ZMAT2: variants seen among roughly 807,000 people sequenced by gnomAD.
ZMAT2 encodes zinc finger matrin-type protein 2.
In ZMAT2, 5 loss-of-function variants were observed where a neutral mutation model predicts 27.5. The ratio of observed to expected loss-of-function variants is 0.18; its 90% CI spans 0.10 to 0.38. The LOEUF (loss-of-function observed/expected upper bound fraction) is 0.38. Among genes scored for constraint, ZMAT2 ranks in the 10% least tolerant of loss-of-function variants. ZMAT2 has a pLI of 1.00. For synonymous variants in ZMAT2, 76 were observed against 78.6 expected (o/e 0.97, Z 0.17); for missense variants, 124 against 243.9 (o/e 0.51, Z 3.27).
chr5:140,703,453 C>T (rs1011645433), intron 3 of ZMAT2, among the ~76,000 whole-genome samples: 4 of 151,932 alleles, frequency 2.6e-5, no homozygotes, highest in Admixed American at 2.0e-4. Flanking sequence ...AGGCTAGTCT[C>T]GAACTCCCGA....
chr5:140,704,586 T>C lies in ZMAT2; in HGVS notation c.456+15T>C, dbSNP rs1162288040. On this transcript the variant is annotated intron_variant, in intron 5 of 5. Coordinates refer to ENST00000274712, the MANE Select transcript of ZMAT2 (RefSeq NM_144723.3). ...TCAGAGAAGAGGTAAGGGTCTCCTA[T>C]CCTTCCCCTCTCCCCCAGATTTGAG... The C allele has an allele frequency of 1.2e-6, 2 of 1,611,790 alleles. No individual in the cohort carries two copies. Among genetic ancestry groups the C allele is most frequent in the East Asian group, 4.5e-5 (2 of 44,856 alleles).
chr5:140,704,475 T>C lies in ZMAT2; in HGVS notation c.360T>C (p.Asp120=), dbSNP rs1349983725. Residue 120 remains aspartate (D), a synonymous_variant, in exon 5 of 6, where the codon GAT becomes GAC. Coordinates refer to ENST00000274712, the MANE Select transcript of ZMAT2 (RefSeq NM_144723.3). ...MSMRVERSTL[D]QVKKRFEVNK... is the part of the protein sequence containing the mutation. The stretch of plus-strand genomic sequence containing the variant: ...TGCGTGTGGAACGTTCCACCCTGGA[T>C]CAGGTGAAGAAACGTTTTGAGGTCA... The C allele has an allele frequency of 1.2e-6, 2 of 1,613,976 alleles. No homozygotes were observed. Among genetic ancestry groups the C allele is most frequent in the Non-Finnish European group, 1.7e-6 (2 of 1,179,952 alleles).
At chr5:140,704,958 T>TAAG (rs1760031821) in intron 5 of ZMAT2, among the ~76,000 whole-genome samples, 3 of 152,170 alleles carry the variant, frequency 2.0e-5, no homozygotes, top group Non-Finnish European at 2.9e-5. Flanking sequence ...TAGCCTACCT[T>TAAG]AATGTGCTCA....
chr5:140,706,686 A>G lies in ZMAT2; in HGVS notation c.*930A>G, dbSNP rs1204345261. On this transcript the variant is annotated 3_prime_UTR_variant, in exon 6 of 6. Transcript: ENST00000274712. ...TTACATTTGGTGAGAACATTCCATA[A>G]TCTTCCCTGTGAATATTTGTTTTTC... 9 of 152,618 alleles carry G rather than the reference A, an allele frequency of 5.9e-5. No homozygotes were observed. Among genetic ancestry groups the G allele is most frequent in the Admixed American group, 5.9e-4 (9 of 15,272 alleles). 9.5% of individuals were successfully genotyped at this position (152,618 alleles called of 1,614,324 possible). A position where few individuals can be genotyped will look rare whatever the true frequency, so the allele number is the denominator to read the frequency against.
intron 5 of ZMAT2, 137 bp downstream of exon 5, chr5:140,704,708 T>C: frequency 1.2e-6 from 1 of 804,860 alleles, no homozygotes; most frequent in Non-Finnish European, 1.8e-6. Flanking sequence ...AGCGGAAACA[T>C]TTGTTGCCTT....
intron 3 of ZMAT2, among the ~76,000 whole-genome samples, chr5:140,703,326 C>T (rs963017461): frequency 4.6e-5 from 7 of 151,348 alleles, no homozygotes; most frequent in African/African-American, 1.5e-4. Flanking sequence ...ACCACAGCCT[C>T]GCCTCCTGGG....
intron 3 of ZMAT2, among the ~76,000 whole-genome samples, chr5:140,703,551 A>G (rs1007673423): frequency 6.6e-5 from 10 of 152,186 alleles, no homozygotes; most frequent in Non-Finnish European, 1.0e-4. Flanking sequence ...AGACCTTTCT[A>G]TAAGACTGCT....
At position 140,700,820 on chromosome 5, in the gene ZMAT2, CAAA is replaced by C. The variant is rs769798219; in HGVS notation, c.24_26del (p.Lys8del). 1.6e-5 allele frequency: 26 copies of C among 1,613,844 alleles called. No homozygotes were observed. The highest frequency in any genetic ancestry group is 2.2e-5 in the Non-Finnish European group (26 of 1,179,846). On this transcript the variant is annotated inframe_deletion and splice_region_variant, in exon 2 of 6. Transcript: ENST00000274712. ...CTTGACGCTTTTTCCTCCCCACAGACAAAAAACTTGGACTTTCGCCGAAAGTGG... is the reference window on the plus strand; with the variant it reads ...CTTGACGCTTTTTCCTCCCCACAGACAAACTTGGACTTTCGCCGAAAGTGG...
At chr5:140,701,308 C>G (rs937094721) in intron 2 of ZMAT2, among the ~76,000 whole-genome samples, 2 of 152,154 alleles carry the variant, frequency 1.3e-5, no homozygotes, top group African/African-American at 2.4e-5. Flanking sequence ...CTGGCCCAAT[C>G]AAGACCCTCC....
intron 5 of ZMAT2, among the ~76,000 whole-genome samples, chr5:140,704,888 CAAGTT>C (rs1760030698): frequency 6.7e-6 from 1 of 148,714 alleles, no homozygotes; most frequent in South Asian, 2.1e-4. Context: ...AACCTATCAT[CAAGTT>C]AAAAATATCA....
intron 4 of ZMAT2, 110 bp downstream of exon 4, chr5:140,704,101 G>A (rs550560249): frequency 1.4e-5 from 14 of 1,033,496 alleles, no homozygotes; most frequent in Non-Finnish European, 1.9e-5. Flanking sequence ...AAGATGGCTG[G>A]AGTAAGAAGG....
rs1244781364 is a variant in ZMAT2 at position 140,700,579 on chromosome 5, C to T, written c.18+101C>T. ...GCACCCGACTGGCTTCCCGATATCT[C>T]CTCGAGATCCCAGGGTTCAGGTTCA... is the stretch of plus-strand genomic sequence containing the variant. On this transcript the variant is annotated intron_variant, in intron 1 of 5. Coordinates refer to ENST00000274712, the MANE Select transcript of ZMAT2 (RefSeq NM_144723.3). The T allele has an allele frequency of 3.2e-6, 5 of 1,586,934 alleles. No individual in the cohort carries two copies. The East Asian group carries it at 9.0e-5, about 28-fold the overall frequency.
At chr5:140,703,241 C>CTTTTT (rs34233013) in intron 3 of ZMAT2, among the ~76,000 whole-genome samples, 2 of 138,744 alleles carry the variant, frequency 1.4e-5, no homozygotes, top group Admixed American at 7.2e-5. Flanking sequence ...TTTTTCTTTT[C>CTTTTT]TTTTTTTTTT....
At chr5:140,702,252 CTATCTTTATATTTGT>C in intron 3 of ZMAT2, 123 bp downstream of exon 3, 1 of 1,261,074 alleles carries the variant, frequency 7.9e-7, no homozygotes, top group Non-Finnish European at 1.1e-6. Context: ...GCCTGTAATT[CTATCTTTATATTTGT>C]TTTTCTGTGT....
chr5:140,702,717 T>A lies in ZMAT2; in HGVS notation c.236+588T>A, dbSNP rs183596859. Among the ~76,000 whole-genome samples, 421 of 152,058 alleles carry A rather than the reference T, an allele frequency of 2.8e-3. 3 individuals are homozygous for A. Among genetic ancestry groups the A allele is most frequent in the Middle Eastern group, 0.014 (4 of 294 alleles). On this transcript the variant is annotated intron_variant, in intron 3 of 5. Coordinates refer to ENST00000274712, the MANE Select transcript of ZMAT2 (RefSeq NM_144723.3). ...AGTTGTTAATGGTGAAGAAGAGGGGTTTGAGGTTCCAGACTAGCTGCAAAG... is the reference window on the plus strand; with the variant it reads ...AGTTGTTAATGGTGAAGAAGAGGGGATTGAGGTTCCAGACTAGCTGCAAAG...
In ZMAT2 at chr5:140,706,141, C is replaced by T. The variant is rs912268826; in HGVS notation, c.*385C>T. ...TGTTCTGCCTTTGTTTTAATTTTAA[C>T]TCATGTTCATCCTGCAACAGAAGCA... On this transcript the variant is annotated 3_prime_UTR_variant, in exon 6 of 6. Coordinates refer to ENST00000274712, the MANE Select transcript of ZMAT2 (RefSeq NM_144723.3). The T allele has an allele frequency of 2.3e-5, 4 of 174,830 alleles. No individual in the cohort carries two copies. Among genetic ancestry groups the T allele is most frequent in the Non-Finnish European group, 4.9e-5 (4 of 82,410 alleles). The allele number at this position is 174,830 out of a possible 1,614,324, so 10.8% of individuals were successfully genotyped here. A position where few individuals can be genotyped will look rare whatever the true frequency, so the allele number is the denominator to read the frequency against.
intron 3 of ZMAT2, 110 bp downstream of exon 3, chr5:140,702,239 C>A: frequency 7.4e-7 from 1 of 1,344,572 alleles, no homozygotes; most frequent in Non-Finnish European, 1.0e-6. Context: ...TTACGTCCTT[C>A]TTGCCTGTAA....
chr5:140,700,641 T>G (rs1386797607), intron 1 of ZMAT2, among the ~76,000 whole-genome samples, 163 bp downstream of exon 1: 1 of 152,142 alleles, frequency 6.6e-6, no homozygotes, highest in Non-Finnish European at 1.5e-5. Context: ...AGAGGGTCAG[T>G]AGAATCGCGG....
chr5:140,705,827 G>A lies in ZMAT2; in HGVS notation c.*71G>A. The A allele has an allele frequency of 1.9e-6, 3 of 1,551,680 alleles. No individual in the cohort carries two copies. The highest frequency in any genetic ancestry group is 2.4e-5 in the South Asian group (2 of 84,298). On this transcript the variant is annotated 3_prime_UTR_variant, in exon 6 of 6. Coordinates refer to ENST00000274712, the MANE Select transcript of ZMAT2 (RefSeq NM_144723.3). ...TTGCGTGTGTGTGTGTGTAGTAGGG[G>A]GTCATTTCTTTTTGGGTAATGGGAA...
Sources: gnomAD v4.1 joint callset for allele counts (sites outside exome capture counted in the v4.1 genomes callset) on GRCh38, gnomAD v4.1.1 for gene constraint, MANE v1.5 for transcripts, NCBI Gene and HGNC (gene_info 2026-07-23, HGNC 2026-07-21) for gene names.